B3GALNT2: variants seen among roughly 807,000 people sequenced by gnomAD.
The protein encoded by B3GALNT2 is beta-1,3-N-acetylgalactosaminyltransferase 2.
B3GALNT2 carries 53 observed loss-of-function variants against 61.1 expected under a neutral mutation model. The observed-to-expected ratio is 0.87, with a 90% CI of 0.70 to 1.09. The LOEUF is 1.09. Among genes scored for constraint, B3GALNT2 ranks in the 50% least tolerant of loss-of-function variants. The pLI is 0.00. For missense variants in B3GALNT2, 544 were observed against 623.0 expected, an observed-to-expected ratio of 0.87 and a Z score of 1.35; for synonymous variants, 223 against 237.4, an observed-to-expected ratio of 0.94 and a Z score of 0.56.
chr1:235,503,745 G>T (rs889387369), intron 1 of B3GALNT2, among the ~76,000 whole-genome samples: 4 of 144,642 alleles, frequency 2.8e-5, no homozygotes, highest in African/African-American at 7.7e-5. Flanking sequence ...AACAACTTGG[G>T]GGGGAAGAAA....
At chr1:235,468,081 A>G (rs1683801441) in intron 6 of B3GALNT2, among the ~76,000 whole-genome samples, 1 of 152,188 alleles carries the variant, frequency 6.6e-6, no homozygotes, top group South Asian at 2.1e-4. Flanking sequence ...CACCCAGCCT[A>G]TGCTTTATTT....
intron 11 of B3GALNT2, among the ~76,000 whole-genome samples, chr1:235,452,663 C>T (rs1341994562): frequency 6.6e-6 from 1 of 152,188 alleles, no homozygotes; most frequent in East Asian, 1.9e-4. Context: ...GATCCTCCTA[C>T]CTTAGCCTCC....
chr1:235,463,245 G>C (rs1369520432), intron 7 of B3GALNT2, among the ~76,000 whole-genome samples: 2 of 152,110 alleles, frequency 1.3e-5, no homozygotes, highest in Non-Finnish European at 2.9e-5. Context: ...GTGGGAGGGG[G>C]TAGGAATAAG....
intron 9 of B3GALNT2, among the ~76,000 whole-genome samples, chr1:235,455,312 G>A (rs1204509677): frequency 1.3e-5 from 2 of 151,924 alleles, no homozygotes; most frequent in African/African-American, 4.8e-5. Flanking sequence ...GTCTTGCAAC[G>A]TTGCCCAGGC....
At chr1:235,441,418 C>A in the B3GALNT2 span, 4 of 272,798 alleles carry the variant, frequency 1.5e-5, no homozygotes, top group East Asian at 2.0e-4. Context: ...AGAAAGAGAA[C>A]TGTTACCAAA....
chr1:235,450,139 C>T lies in B3GALNT2; in HGVS notation c.*67G>A. Reference sequence around the variant, plus strand: ...CAGTCTACTGCTAAACCCTGGGACTCCTCAGACTTGCACTCAGATTATCGT... The same window carrying T: ...CAGTCTACTGCTAAACCCTGGGACTTCTCAGACTTGCACTCAGATTATCGT... On this transcript the variant is annotated 3_prime_UTR_variant, in exon 12 of 12. Coordinates refer to ENST00000366600, the MANE Select transcript of B3GALNT2 (RefSeq NM_152490.5). 1 of 1,583,404 alleles carries T rather than the reference C, an allele frequency of 6.3e-7. No homozygotes were observed. Among genetic ancestry groups the T allele is most frequent in the Admixed American group, 1.7e-5 (1 of 59,906 alleles).
At chr1:235,454,439 A>T in intron 9 of B3GALNT2, 124 bp from the exon 10 acceptor site, 1 of 1,073,982 alleles carries the variant, frequency 9.3e-7, no homozygotes, top group East Asian at 2.9e-5. Flanking sequence ...AGAAAATAAG[A>T]AAATTTCTTT....
intron 2 of B3GALNT2, among the ~76,000 whole-genome samples, chr1:235,490,826 T>C (rs1685029061): frequency 6.6e-6 from 1 of 152,076 alleles, no homozygotes; most frequent in Admixed American, 6.6e-5. Context: ...ATTTATTACA[T>C]CTACATGGTG....
rs982146886 is a variant in B3GALNT2, at chr1:235,467,165, G to A, written c.763-1451C>T. Among the ~76,000 whole-genome samples the A allele has an allele frequency of 3.3e-5, 5 of 152,128 alleles. No individual in the cohort carries two copies. The East Asian group carries it at 9.7e-4, about 29-fold the overall frequency. ...ACATCAAGACCATCCTAGCTAATAC[G>A]GTGAAACCCTGTCTCTACTAAAAAT... On this transcript the variant is annotated intron_variant, in intron 6 of 11. Transcript: ENST00000366600.
chr1:235,488,744 A>C (rs291395), intron 3 of B3GALNT2, among the ~76,000 whole-genome samples: 45,734 of 145,974 alleles, frequency 0.31, 8,182 homozygotes, highest in Non-Finnish European at 0.4. Context: ...ATTTGGATGA[A>C]AGACATTTTA....
chr1:235,475,571 T>C (rs1245657866), intron 5 of B3GALNT2, among the ~76,000 whole-genome samples: 1 of 152,148 alleles, frequency 6.6e-6, no homozygotes, highest in African/African-American at 2.4e-5. Flanking sequence ...ATCACTATCA[T>C]TCTTCCGAGC....
chr1:235,494,379 A>G (rs962937615), intron 2 of B3GALNT2, among the ~76,000 whole-genome samples: 3 of 152,200 alleles, frequency 2.0e-5, no homozygotes, highest in Non-Finnish European at 2.9e-5. Context: ...AAGAAAAGCA[A>G]ATGAAACAGC....
chr1:235,454,682 C>T (rs1400337156), intron 9 of B3GALNT2, among the ~76,000 whole-genome samples: 1 of 151,986 alleles, frequency 6.6e-6, no homozygotes, highest in Admixed American at 6.6e-5. Flanking sequence ...TTGGGTGATC[C>T]ACCCTCCTCA....
rs1454350138 is a variant in B3GALNT2, at chr1:235,453,143, C to A, written c.1315G>T (p.Glu439Ter). 2.5e-5 allele frequency: 40 copies of A among 1,611,182 alleles called. No individual in the cohort carries two copies. The highest frequency in any genetic ancestry group is 3.4e-5 in the Non-Finnish European group (40 of 1,177,402). Residue 439 changes from glutamate to a stop codon, truncating the protein, a stop_gained, in exon 11 of 12, where the codon GAA becomes TAA. Transcript: ENST00000366600. LOFTEE classifies it high-confidence loss of function. ...ATCCAGATGCCCATGCTTACATCTT[C>A]ACCCTATACATGGCCCATAAAGTTT... ...NSGRLKTYQGEDVSMGIWMAA... is the reference protein window; with the variant it reads ...NSGRLKTYQG
At chr1:235,491,082 GT>G (rs1426375942) in intron 2 of B3GALNT2, among the ~76,000 whole-genome samples, 2 of 129,256 alleles carry the variant, frequency 1.5e-5, no homozygotes, top group African/African-American at 5.3e-5. Context: ...AGAGTGAATA[GT>G]TAAAAAAAAA....
In B3GALNT2 at chr1:235,484,682, T is replaced by A. The variant is rs188750550; in HGVS notation, c.362-167A>T. The A allele has an allele frequency of 1.7e-4, 217 of 1,257,480 alleles. 1 individual carries two copies. Among genetic ancestry groups the A allele is most frequent in the Non-Finnish European group, 2.2e-4 (208 of 957,398 alleles). The allele number at this position is 1,257,480 out of a possible 1,614,324, so 77.9% of individuals were successfully genotyped here. A position where few individuals can be genotyped will look rare whatever the true frequency, so the allele number is the denominator to read the frequency against. On this transcript the variant is annotated intron_variant, in intron 3 of 11. Transcript: ENST00000366600. The stretch of plus-strand genomic sequence containing the variant: ...TGCTTGAGAAAAATGGCTGCTTCTA[T>A]ATAAACATTTTTGAAATTTAAGAAT...
chr1:235,462,199 G>T (rs1489385801), intron 7 of B3GALNT2, among the ~76,000 whole-genome samples: 1 of 152,162 alleles, frequency 6.6e-6, no homozygotes, highest in Admixed American at 6.5e-5. Flanking sequence ...ATTGTAACAG[G>T]AAAATGGCTT....
chr1:235,440,084 C>CCT, the B3GALNT2 span, among the ~76,000 whole-genome samples: 1 of 152,178 alleles, frequency 6.6e-6, no homozygotes, highest in Non-Finnish European at 1.5e-5. Context: ...CATTCTCCTG[C>CCT]CTCAGCCTCC....
chr1:235,456,036 C>T (rs1383284269), intron 8 of B3GALNT2, among the ~76,000 whole-genome samples: 1 of 152,158 alleles, frequency 6.6e-6, no homozygotes, highest in African/African-American at 2.4e-5. Flanking sequence ...AACCTTGCCC[C>T]GTGTGTTCTT....
Sources: allele counts gnomAD v4.1 joint callset (sites outside exome capture counted in the v4.1 genomes callset), GRCh38; gene constraint gnomAD v4.1.1; transcripts MANE v1.5; gene names NCBI Gene and HGNC (gene_info 2026-07-23, HGNC 2026-07-21).